The following MGAT4C variants were observed in gnomAD, a reference collection of about 807,000 sequenced individuals.
The protein encoded by MGAT4C is MGAT4 family member C, also known as alpha-1,3-mannosyl-glycoprotein 4-beta-N-acetylglucosaminyltransferase C.
A neutral mutation model predicts 40.1 loss-of-function variants in MGAT4C; 19 were observed. The ratio of observed to expected loss-of-function variants is 0.47; its 90% CI spans 0.33 to 0.70. The LOEUF (loss-of-function observed/expected upper bound fraction) is 0.70, where lower values mean the gene tolerates loss of function less well. Ranked by LOEUF, MGAT4C falls within the 30% of genes least tolerant of loss-of-function variation. MGAT4C has a pLI of 0.02. For missense variants in MGAT4C, 491 were observed against 563.2 expected (o/e 0.87, Z 1.30); for synonymous variants, 181 against 187.1 (o/e 0.97, Z 0.27).
At chr12:86,680,069 T>C (rs949741685) in intron 2 of MGAT4C, among the ~76,000 whole-genome samples, 2 of 152,006 alleles carry the variant, frequency 1.3e-5, no homozygotes, top group African/African-American at 4.8e-5. Flanking sequence ...TTTCCTTGTG[T>C]ATGTTTATTT....
At chr12:86,258,034 CGTT>C (rs1952573442), upstream of MGAT4C, among the ~76,000 whole-genome samples, 1 of 151,666 alleles carries the variant, frequency 6.6e-6, no homozygotes, top group Non-Finnish European at 1.5e-5. Context: ...TTAATATTAT[CGTT>C]GTTATGAAAA....
intron 3 of MGAT4C, among the ~76,000 whole-genome samples, chr12:86,429,399 T>G (rs1380809634): frequency 6.6e-6 from 1 of 152,112 alleles, no homozygotes; most frequent in Non-Finnish European, 1.5e-5. Flanking sequence ...TTCTGAATAA[T>G]GTTTGTTTGT....
At position 85,961,201 on chromosome 12, in the gene MGAT4C, C is replaced by T. The variant is rs1265929528; in HGVS notation, c.*18088G>A. 6.6e-6 allele frequency: 1 copy of T among 151,906 alleles called. No homozygotes were observed. The highest frequency in any genetic ancestry group is 1.5e-5 in the Non-Finnish European group (1 of 67,838). 9.4% of individuals were successfully genotyped at this position (151,906 alleles called of 1,614,324 possible). On this transcript the variant is annotated 3_prime_UTR_variant, in exon 5 of 5. Transcript: ENST00000611864. ...GCATCCAACTCCATCATTTTCCAGT[C>T]ATTCTTGAGACTGTCAACTCTATGG...
chr12:86,215,022 G>C (rs1000752288), intron 1 of MGAT4C, among the ~76,000 whole-genome samples: 4 of 151,866 alleles, frequency 2.6e-5, no homozygotes, highest in African/African-American at 9.7e-5. Flanking sequence ...GGGTCTTCTT[G>C]ACTTATCTCT....
Position 86,302,949 on chromosome 12 carries a change from G to A in MGAT4C, c.-57+31116C>T, listed in dbSNP as rs191735760. Among the ~76,000 whole-genome samples the A allele has an allele frequency of 3.1e-4, 46 of 150,714 alleles. 4 individuals carry two copies. Among genetic ancestry groups the A allele is most frequent in the African/African-American group, 1.1e-3 (45 of 40,152 alleles). The stretch of plus-strand genomic sequence containing the variant: ...GAAGCAATGACAAGTTTTACCTTGA[G>A]GAAAGGAATTCAGGGTCTAACTCTT... On this transcript the variant is annotated intron_variant, in intron 4 of 7. Coordinates refer to the MGAT4C transcript ENST00000548651.
chr12:86,294,478 T>C (rs1410528726), intron 4 of MGAT4C, among the ~76,000 whole-genome samples: 2 of 152,162 alleles, frequency 1.3e-5, no homozygotes, highest in Non-Finnish European at 2.9e-5. Context: ...GCGCTTGTTC[T>C]CCTCTGCATG....
intron 4 of MGAT4C, among the ~76,000 whole-genome samples, chr12:86,268,678 T>TATATAC (rs1555261517): frequency 1.4e-5 from 2 of 139,916 alleles, no homozygotes; most frequent in African/African-American, 2.8e-5. Flanking sequence ...TATATATATA[T>TATATAC]ACATATATAC....
In MGAT4C at chr12:85,973,562, A is replaced by G. The variant is rs1883740342; in HGVS notation, c.*5727T>C. On this transcript the variant is annotated 3_prime_UTR_variant, in exon 5 of 5. Transcript: ENST00000611864. ...GGAAATTTGTATTTTATAGAAAAAT[A>G]TTGAATATTTTATTATTATGTCTTT... 1 of 150,862 alleles carries G rather than the reference A, an allele frequency of 6.6e-6. No individual in the cohort carries two copies. Among genetic ancestry groups the G allele is most frequent in the Non-Finnish European group, 1.5e-5 (1 of 67,068 alleles). 9.3% of individuals were successfully genotyped at this position (150,862 alleles called of 1,614,324 possible). A position where few individuals can be genotyped will look rare whatever the true frequency, so the allele number is the denominator to read the frequency against.
chr12:86,169,205 TGAG>T (rs1886526156), intron 1 of MGAT4C, among the ~76,000 whole-genome samples: 1 of 152,122 alleles, frequency 6.6e-6, no homozygotes, highest in Admixed American at 6.6e-5. Context: ...CATGAAAGAA[TGAG>T]GAGACAAGCA....
Position 86,473,037 on chromosome 12 carries a change from C to G in MGAT4C, c.-228-37772G>C, listed in dbSNP as rs190507217. ...ATGGTGCAATCTCAGCTCACTGCAT[C>G]CTCCGCCTCCCAGGTTGAAGCAATT... On this transcript the variant is annotated intron_variant, in intron 2 of 7. Transcript: ENST00000548651. Among the ~76,000 whole-genome samples the G allele has an allele frequency of 1.9e-3, 285 of 152,200 alleles. 1 individual carries two copies. The highest frequency in any genetic ancestry group is 6.8e-3 in the Middle Eastern group (2 of 294).
At chr12:86,513,724 C>T (rs1958634275) in intron 2 of MGAT4C, among the ~76,000 whole-genome samples, 1 of 151,960 alleles carries the variant, frequency 6.6e-6, no homozygotes, top group African/African-American at 2.4e-5. Flanking sequence ...CAAAAATGGC[C>T]AAAATCAACT....
chr12:86,123,112 C>G (rs76292043), intron 1 of MGAT4C, among the ~76,000 whole-genome samples: 1 of 152,100 alleles, frequency 6.6e-6, no homozygotes, highest in Non-Finnish European at 1.5e-5. Context: ...TGCAAAGTGC[C>G]GACCCTCCCA....
chr12:86,518,918 C>G (rs1431054814), intron 2 of MGAT4C, among the ~76,000 whole-genome samples: 9 of 152,042 alleles, frequency 5.9e-5, no homozygotes, highest in South Asian at 2.1e-4. Flanking sequence ...AAATAGTGTG[C>G]CACTGAAAAG....
At position 86,603,486 on chromosome 12, in the gene MGAT4C, C is replaced by CTA. The variant is rs1165791372; in HGVS notation, c.-229+123721_-229+123722dup. ...ATATATACTATATATAGTCTATAGA[C>CTA]TATATAATATATACTATATATAGTC... On this transcript the variant is annotated intron_variant, in intron 2 of 7. Coordinates refer to the MGAT4C transcript ENST00000548651. Among the ~76,000 whole-genome samples the CTA allele has an allele frequency of 6.5e-3, 672 of 103,460 alleles. 11 individuals are homozygous for CTA. Among genetic ancestry groups the CTA allele is most frequent in the African/African-American group, 0.024 (590 of 24,418 alleles). 67.9% of individuals were successfully genotyped at this position (103,460 alleles called of 152,430 possible). A position where few individuals can be genotyped will look rare whatever the true frequency, so the allele number is the denominator to read the frequency against.
chr12:86,775,964 T>C (rs1318801399), intron 1 of MGAT4C, among the ~76,000 whole-genome samples: 2 of 152,006 alleles, frequency 1.3e-5, no homozygotes, highest in East Asian at 3.8e-4. Context: ...GAATAATACA[T>C]AAAAATTTGA....
intron 3 of MGAT4C, among the ~76,000 whole-genome samples, chr12:86,412,572 C>G (rs573249659): frequency 6.6e-6 from 1 of 152,078 alleles, no homozygotes; most frequent in East Asian, 1.9e-4. Flanking sequence ...AATGCCTGTA[C>G]CCACATTGTA....
chr12:85,992,458 A>G (rs186196808), intron 2 of MGAT4C, among the ~76,000 whole-genome samples: 572 of 152,108 alleles, frequency 3.8e-3, no homozygotes, highest in African/African-American at 0.013. Context: ...TGGCACTTGG[A>G]CCTCCAGTCT....
At chr12:86,508,283 C>A (rs1958507877) in intron 2 of MGAT4C, among the ~76,000 whole-genome samples, 1 of 152,112 alleles carries the variant, frequency 6.6e-6, no homozygotes, top group African/African-American at 2.4e-5. Context: ...TGTTCAATTC[C>A]CACCTATGAG....
intron 4 of MGAT4C, among the ~76,000 whole-genome samples, chr12:86,266,088 G>A (rs904382684): frequency 2.0e-5 from 3 of 152,106 alleles, no homozygotes; most frequent in Non-Finnish European, 4.4e-5. Context: ...AATAAGCAAA[G>A]ATAACTTGAC....
Sources: gnomAD v4.1 joint callset for allele counts (sites outside exome capture counted in the v4.1 genomes callset) on GRCh38, gnomAD v4.1.1 for gene constraint, MANE v1.5 for transcripts, NCBI Gene and HGNC (gene_info 2026-07-23, HGNC 2026-07-21) for gene names.